RTL4: variants seen among roughly 807,000 people sequenced by gnomAD.
The protein encoded by RTL4 is retrotransposon Gag like 4, also known as retrotransposon Gag-like protein 4.
RTL4 carries 4 observed loss-of-function variants against 5.3 expected under a neutral mutation model. The ratio of observed to expected loss-of-function variants is 0.75; its 90% CI spans 0.37 to 1.72. The LOEUF is 1.72. Among genes scored for constraint, RTL4 ranks in the 40% most tolerant of loss-of-function variants. RTL4 has a pLI of 0.04. For missense variants in RTL4, 260 were observed against 227.1 expected, an observed-to-expected ratio of 1.14 and a Z score of -0.93; for synonymous variants, 98 against 87.3, an observed-to-expected ratio of 1.12 and a Z score of -0.68.
At chrX:112,405,881 A>C in the RTL4 span, among the ~76,000 whole-genome samples, 4 of 111,268 alleles carry the variant, frequency 3.6e-5, no homozygotes, top group Admixed American at 3.8e-4. Context: ...ACCTCCCAGC[A>C]GCAATGGCAT....
At chrX:112,400,181 CT>C in the RTL4 span, among the ~76,000 whole-genome samples, 1 of 111,405 alleles carries the variant, frequency 9.0e-6, no homozygotes, top group Non-Finnish European at 1.9e-5. Flanking sequence ...TATCCCTCTG[CT>C]TTCTCCTCTA....
chrX:112,172,291 C>T, the RTL4 span, among the ~76,000 whole-genome samples: 1 of 111,017 alleles, frequency 9.0e-6, no homozygotes, highest in Admixed American at 9.6e-5. Context: ...TGCCACTGCA[C>T]TCCAGCCTGG....
chrX:112,316,208 A>G, the RTL4 span, among the ~76,000 whole-genome samples: 6 of 112,296 alleles, frequency 5.3e-5, no homozygotes, highest in African/African-American at 1.9e-4. Flanking sequence ...ATTCCTGTTT[A>G]TATTAAATGA....
chrX:112,447,154 C>G, the RTL4 span, among the ~76,000 whole-genome samples: 1 of 111,752 alleles, frequency 8.9e-6, no homozygotes, highest in Non-Finnish European at 1.9e-5. Flanking sequence ...TGCTAAGTGG[C>G]TTAGTTTAAG....
chrX:112,150,367 A>C, the RTL4 span, among the ~76,000 whole-genome samples: 667 of 111,558 alleles, frequency 6.0e-3, 2 homozygotes, highest in African/African-American at 0.02. Context: ...AAGTGGATCG[A>C]TCTCTTTTTA....
the RTL4 span, among the ~76,000 whole-genome samples, chrX:112,214,255 T>C: frequency 8.9e-6 from 1 of 111,855 alleles, no homozygotes; most frequent in African/African-American, 3.2e-5. Flanking sequence ...ATAAGTGGTG[T>C]CATGTATTAT....
chrX:112,177,373 C>A, the RTL4 span, among the ~76,000 whole-genome samples: 1 of 111,208 alleles, frequency 9.0e-6, no homozygotes, highest in Non-Finnish European at 1.9e-5. Flanking sequence ...GCCATTCAGA[C>A]TGGGGTGAGG....
the RTL4 span, among the ~76,000 whole-genome samples, chrX:112,408,127 G>A: frequency 1.8e-5 from 2 of 111,060 alleles, no homozygotes; most frequent in South Asian, 3.8e-4. Context: ...ACCATCCATC[G>A]AAACATGACC....
the RTL4 span, among the ~76,000 whole-genome samples, chrX:112,300,651 G>C: frequency 8.9e-6 from 1 of 112,231 alleles, no homozygotes; most frequent in Non-Finnish European, 1.9e-5. Context: ...CATTTTGCTT[G>C]AGTATTTTCT....
the RTL4 span, among the ~76,000 whole-genome samples, chrX:112,228,978 G>A: frequency 1.8e-5 from 2 of 112,012 alleles, no homozygotes; most frequent in Non-Finnish European, 3.8e-5. Flanking sequence ...AACACCAGAC[G>A]TCAAAACCTA....
the RTL4 span, among the ~76,000 whole-genome samples, chrX:112,255,499 A>C: frequency 8.9e-6 from 1 of 111,785 alleles, no homozygotes; most frequent in Non-Finnish European, 1.9e-5. Flanking sequence ...TGGAAAATGG[A>C]TAATGATACA....
the RTL4 span, among the ~76,000 whole-genome samples, chrX:112,349,297 G>A: frequency 2.1e-4 from 23 of 111,118 alleles, no homozygotes; most frequent in Non-Finnish European, 3.8e-4. Context: ...CCAATTGCAC[G>A]GCCCTTTTTG....
At chrX:112,222,921 A>G in the RTL4 span, among the ~76,000 whole-genome samples, 2 of 112,231 alleles carry the variant, frequency 1.8e-5, no homozygotes, top group Non-Finnish European at 3.8e-5. Flanking sequence ...TTTCACCTTC[A>G]TTTAGACCAG....
chrX:112,128,678 A>G, the RTL4 span, among the ~76,000 whole-genome samples: 784 of 106,426 alleles, frequency 7.4e-3, 7 homozygotes, highest in African/African-American at 0.025. Flanking sequence ...AAAAAAAAAA[A>G]GTAAAAGAAC....
chrX:112,131,026 C>T, the RTL4 span, among the ~76,000 whole-genome samples: 1 of 106,472 alleles, frequency 9.4e-6, no homozygotes, highest in African/African-American at 3.7e-5. Flanking sequence ...GTCTCGATCT[C>T]CTGACCTCGT....
the RTL4 span, among the ~76,000 whole-genome samples, chrX:112,387,467 C>T: frequency 2.7e-5 from 3 of 109,664 alleles, no homozygotes; most frequent in African/African-American, 1.0e-4. Context: ...GCCTGGTAGC[C>T]CTGCTGGATG....
chrX:112,358,353 A>G, the RTL4 span, among the ~76,000 whole-genome samples: 1 of 110,041 alleles, frequency 9.1e-6, no homozygotes, highest in Admixed American at 9.7e-5. Flanking sequence ...AAGTGACAAA[A>G]TCACTTTCAA....
At chrX:112,374,263 T>C in the RTL4 span, among the ~76,000 whole-genome samples, 13 of 111,443 alleles carry the variant, frequency 1.2e-4, no homozygotes, top group African/African-American at 3.9e-4. Flanking sequence ...ACACCATTTA[T>C]TGAAAATAAC....
chrX:112,180,686 C>T, the RTL4 span, among the ~76,000 whole-genome samples: 1 of 112,066 alleles, frequency 8.9e-6, no homozygotes. Flanking sequence ...TAAATTGTCT[C>T]ATTCTCCTTA....
Sources: gnomAD v4.1 joint callset for allele counts (sites outside exome capture counted in the v4.1 genomes callset) on GRCh38, gnomAD v4.1.1 for gene constraint, MANE v1.5 for transcripts, NCBI Gene and HGNC (gene_info 2026-07-23, HGNC 2026-07-21) for gene names.